SLA: variants seen among roughly 807,000 people sequenced by gnomAD.
SLA encodes src-like-adapter.
In SLA, 16 loss-of-function variants were observed where a neutral mutation model predicts 30.3. The observed-to-expected ratio is 0.53, with a 90% CI of 0.36 to 0.80. The LOEUF (loss-of-function observed/expected upper bound fraction) is 0.80, where lower values mean the gene tolerates loss of function less well. Among genes scored for constraint, SLA ranks in the 30% least tolerant of loss-of-function variants. The probability of loss-of-function intolerance (pLI) is 0.01; values close to 1 mark genes in which losing one functional copy is unlikely to be tolerated. For missense variants in SLA, 310 were observed against 345.2 expected, an observed-to-expected ratio of 0.90 and a Z score of 0.81; for synonymous variants, 143 against 137.8, an observed-to-expected ratio of 1.04 and a Z score of -0.26.
chr8:133,100,387 A>C (rs1426353555), intron 1 of SLA, among the ~76,000 whole-genome samples: 1 of 152,152 alleles, frequency 6.6e-6, no homozygotes, highest in African/African-American at 2.4e-5. Flanking sequence ...TTCTTCCCCA[A>C]CTAGAATGTT....
chr8:133,042,427 C>G (rs1399615948), intron 7 of SLA, among the ~76,000 whole-genome samples: 1 of 152,156 alleles, frequency 6.6e-6, no homozygotes, highest in African/African-American at 2.4e-5. Context: ...CCCATGCACT[C>G]TGTTCTCTCA....
Position 133,040,078 on chromosome 8 carries a change from G to A in SLA, c.537C>T (p.Ser179=), listed in dbSNP as rs777998009. 9 of 1,561,508 alleles carry A rather than the reference G, an allele frequency of 5.8e-6. No individual in the cohort carries two copies. In the South Asian group the frequency reaches 8.3e-5, roughly 14 times the overall value. Residue 179 remains serine (S), a synonymous_variant, in exon 8 of 9, where the codon AGC becomes AGT. Coordinates refer to ENST00000338087, the MANE Select transcript of SLA (RefSeq NM_001045556.3). ...AGGCCCTCACTGCTGGGGCAGCCGT[G>A]CTTTGTGTCAGGCAGGGCGTGGTGA... ...CVLTTPCLTQ[S]TAAPAVRASS... is the part of the protein sequence containing the mutation.
At chr8:133,092,029 G>A (rs905633904) in intron 1 of SLA, among the ~76,000 whole-genome samples, 4 of 152,166 alleles carry the variant, frequency 2.6e-5, no homozygotes, top group Admixed American at 6.5e-5. Flanking sequence ...CAAACTCCAA[G>A]TCTCCTGGTG....
Position 133,038,235 on chromosome 8 carries a change from C to CCA in SLA, c.*287_*288dup, listed in dbSNP as rs1837439497. 2.3e-6 allele frequency: 1 copy of CCA among 426,362 alleles called. No individual in the cohort carries two copies. The highest frequency in any genetic ancestry group is 2.4e-5 in the South Asian group (1 of 42,536). 26.4% of individuals were successfully genotyped at this position (426,362 alleles called of 1,614,324 possible). A position where few individuals can be genotyped will look rare whatever the true frequency, so the allele number is the denominator to read the frequency against. ...TCTTGTGAGAGTGGCTTTGTCCTTCCCACACACACAATGTGTGCATACATA... is the reference window on the plus strand; with the variant it reads ...TCTTGTGAGAGTGGCTTTGTCCTTCCCACACACACACAATGTGTGCATACATA... On this transcript the variant is annotated 3_prime_UTR_variant, in exon 9 of 9. Coordinates refer to ENST00000338087, the MANE Select transcript of SLA (RefSeq NM_001045556.3).
chr8:133,093,491 G>GT (rs1201711485), intron 1 of SLA, among the ~76,000 whole-genome samples: 4 of 152,154 alleles, frequency 2.6e-5, no homozygotes, highest in Non-Finnish European at 2.9e-5. Context: ...AAAATCACGT[G>GT]TATCTCCCAG....
intron 2 of SLA, among the ~76,000 whole-genome samples, chr8:133,062,054 CAT>C (rs1317676428): frequency 6.6e-6 from 1 of 152,204 alleles, no homozygotes; most frequent in African/African-American, 2.4e-5. Flanking sequence ...GCTATAAACT[CAT>C]AGTGCACCAC....
chr8:133,077,400 G>A (rs1845058693), intron 1 of SLA, among the ~76,000 whole-genome samples: 1 of 152,140 alleles, frequency 6.6e-6, no homozygotes, highest in Non-Finnish European at 1.5e-5. Context: ...GTGGGTCATT[G>A]GGTGACTGAA....
chr8:133,045,168 C>A, intron 6 of SLA, 53 bp from the exon 7 acceptor site: 1 of 1,604,408 alleles, frequency 6.2e-7, no homozygotes. Context: ...CACCCCAAGG[C>A]ACCCAGCTAA....
chr8:133,083,304 A>G (rs754831514), intron 1 of SLA, among the ~76,000 whole-genome samples: 7 of 152,216 alleles, frequency 4.6e-5, no homozygotes, highest in Non-Finnish European at 8.8e-5. Flanking sequence ...TCTTTGAAAT[A>G]TCAATTGATT....
chr8:133,061,696 C>T (rs1842390648), intron 2 of SLA, among the ~76,000 whole-genome samples: 1 of 152,212 alleles, frequency 6.6e-6, no homozygotes, highest in Non-Finnish European at 1.5e-5. Context: ...TCCCACCTAC[C>T]TGTGTCTGCA....
At chr8:133,102,345 G>A (rs57798508) in intron 1 of SLA, 117,097 of 498,766 alleles carry the variant, frequency 0.23, 15,826 homozygotes, top group African/African-American at 0.36. Flanking sequence ...GGGAAGTCAC[G>A]GAGGGACAGG....
chr8:133,073,725 G>A (rs1450257477), intron 2 of SLA, among the ~76,000 whole-genome samples: 1 of 151,882 alleles, frequency 6.6e-6, no homozygotes, highest in Non-Finnish European at 1.5e-5. Context: ...AAAGTCAAGG[G>A]CACCACTTTA....
In SLA at chr8:133,058,274, G is replaced by A. The variant is rs568194729; in HGVS notation, c.61+1826C>T. 7.9e-5 allele frequency among the ~76,000 whole-genome samples: 12 copies of A among 152,270 alleles called. No individual in the cohort carries two copies. The South Asian group carries it at 2.5e-3, about 32-fold the overall frequency. ...GGGGTTGAAAAAGCAGCCCACCAGCGCTTGATGTGGTTGCCTGGATCACAA... is the reference window on the plus strand; with the variant it reads ...GGGGTTGAAAAAGCAGCCCACCAGCACTTGATGTGGTTGCCTGGATCACAA... On this transcript the variant is annotated intron_variant, in intron 3 of 8. Transcript: ENST00000338087.
intron 7 of SLA, among the ~76,000 whole-genome samples, chr8:133,043,384 C>T (rs1345647312): frequency 6.6e-6 from 1 of 152,230 alleles, no homozygotes; most frequent in Non-Finnish European, 1.5e-5. Context: ...CCACAACCAA[C>T]CTTTTCTCAT....
chr8:133,055,238 G>A (rs993169516), intron 3 of SLA, among the ~76,000 whole-genome samples: 2 of 152,106 alleles, frequency 1.3e-5, no homozygotes, highest in African/African-American at 4.8e-5. Flanking sequence ...GTAGGGAGCT[G>A]TACAGCCCAG....
chr8:133,071,259 T>C (rs746967899), intron 2 of SLA, among the ~76,000 whole-genome samples: 4 of 152,200 alleles, frequency 2.6e-5, no homozygotes, highest in Non-Finnish European at 5.9e-5. Context: ...CGCTGAGGCC[T>C]TTTGTCTAAC....
At chr8:133,083,903 CT>C (rs912309645) in intron 1 of SLA, among the ~76,000 whole-genome samples, 6 of 152,170 alleles carry the variant, frequency 3.9e-5, no homozygotes, top group African/African-American at 1.4e-4. Context: ...AGTTTTCCCC[CT>C]GGCTCCCCTC....
intron 1 of SLA, among the ~76,000 whole-genome samples, chr8:133,101,443 CCAAGGAGGA>C (rs1486565150): frequency 1.3e-5 from 2 of 152,180 alleles, no homozygotes; most frequent in African/African-American, 4.8e-5. Context: ...CCACCATCAG[CCAAGGAGGA>C]CCTGAAGATG....
intron 1 of SLA, among the ~76,000 whole-genome samples, chr8:133,100,124 A>G (rs1849020280): frequency 6.6e-6 from 1 of 152,182 alleles, no homozygotes. Context: ...TCACTGGTTT[A>G]TCCCTTTAGA....
Sources: allele counts gnomAD v4.1 joint callset (sites outside exome capture counted in the v4.1 genomes callset), GRCh38; gene constraint gnomAD v4.1.1; transcripts MANE v1.5; gene names NCBI Gene and HGNC (gene_info 2026-07-23, HGNC 2026-07-21).